Variants in CARM1 observed in about 807,000 individuals in gnomAD.
CARM1 encodes the protein coactivator associated arginine methyltransferase 1.
CARM1 carries 14 observed loss-of-function variants against 72.7 expected under a neutral mutation model. The ratio of observed to expected loss-of-function variants is 0.19; its 90% CI spans 0.13 to 0.30. The LOEUF (loss-of-function observed/expected upper bound fraction) is 0.30, where lower values mean the gene tolerates loss of function less well. Ranked by LOEUF, CARM1 falls within the 10% of genes least tolerant of loss-of-function variation. The probability of loss-of-function intolerance (pLI) is 1.00; values close to 1 mark genes in which losing one functional copy is unlikely to be tolerated. For missense variants in CARM1, 432 were observed against 833.7 expected (o/e 0.52, Z 5.93); for synonymous variants, 333 against 345.5 (o/e 0.96, Z 0.40).
intron 3 of CARM1, among the ~76,000 whole-genome samples, 197 bp downstream of exon 3, chr19:10,908,342 G>A (rs2145226526): frequency 6.6e-6 from 1 of 152,294 alleles, no homozygotes; most frequent in South Asian, 2.1e-4. Context: ...CGGAGATGCA[G>A]GTGCCTGCCT....
At chr19:10,893,007 T>G (rs1045486830) in intron 1 of CARM1, among the ~76,000 whole-genome samples, 1 of 152,050 alleles carries the variant, frequency 6.6e-6, no homozygotes, top group African/African-American at 2.4e-5. Flanking sequence ...AGTGGTGGGA[T>G]TACAGGCGTG....
At chr19:10,873,789 G>A (rs1192621559) in intron 1 of CARM1, among the ~76,000 whole-genome samples, 2 of 151,592 alleles carry the variant, frequency 1.3e-5, no homozygotes, top group African/African-American at 4.8e-5. Flanking sequence ...ACAGGCGCCT[G>A]CCGCCATGCC....
chr19:10,908,870 GCATCAGCTGTTGC>G (rs1274674087), intron 3 of CARM1: 1 of 425,134 alleles, frequency 2.4e-6, no homozygotes, highest in Non-Finnish European at 4.3e-6. Context: ...GGTCCAGGCG[GCATCAGCTGTTGC>G]CATCGGCTGC....
chr19:10,880,796 C>T (rs1394521430), intron 1 of CARM1, among the ~76,000 whole-genome samples: 1 of 152,198 alleles, frequency 6.6e-6, no homozygotes, highest in East Asian at 1.9e-4. Flanking sequence ...CTGAGCTTCA[C>T]TTTCCCTCCC....
At position 10,920,903 on chromosome 19, in the gene CARM1, C is replaced by T; in HGVS notation, c.1494C>T (p.Asn498=). Residue 498 remains asparagine, a synonymous_variant, in exon 13 of 16, where the codon AAC becomes AAT. Transcript: ENST00000327064. This position sits in a 1 kb window ranked among gnomAD's most constrained non-coding sequence, Gnocchi z 5.3. ...CATCTCCCTCGGAAAACATGTGGAA[C>T]ACGGGCAGCACCTACAACCTCAGCA... ...HYTSPSENMW[N]TGSTYNLSSG... is the part of the protein sequence containing the mutation. The T allele has an allele frequency of 1.2e-6, 2 of 1,614,250 alleles. No individual in the cohort carries two copies. The highest frequency in any genetic ancestry group is 1.7e-6 in the Non-Finnish European group (2 of 1,180,030).
At position 10,915,747 on chromosome 19, in the gene CARM1, G is replaced by A. The variant is rs1161130013; in HGVS notation, c.848-660G>A. 1.3e-5 allele frequency among the ~76,000 whole-genome samples: 2 copies of A among 152,098 alleles called. No homozygotes were observed. The highest frequency in any genetic ancestry group is 6.5e-5 in the Admixed American group (1 of 15,280). ...GGAGGCCAGGTGCTCCTTGGGGCAG[G>A]CGGGGCTGCGGGGCCCTGATCCTCC... On this transcript the variant is annotated intron_variant, in intron 6 of 15. Transcript: ENST00000327064. This position sits in a 1 kb window ranked among gnomAD's most constrained non-coding sequence, Gnocchi z 4.6.
At chr19:10,904,877 C>T (rs925377343) in intron 1 of CARM1, 74 bp from the exon 2 acceptor site, 23 of 1,571,346 alleles carry the variant, frequency 1.5e-5, no homozygotes, top group South Asian at 3.4e-5. Flanking sequence ...AGCAGGAGGG[C>T]GACAGGGACC....
chr19:10,876,432 G>T (rs540994639), intron 1 of CARM1, among the ~76,000 whole-genome samples: 6 of 152,220 alleles, frequency 3.9e-5, no homozygotes, highest in African/African-American at 1.2e-4. Context: ...CTGCCCCGCT[G>T]TCTTGGCTCA....
chr19:10,892,186 A>C (rs1549926), intron 1 of CARM1, among the ~76,000 whole-genome samples: 44,570 of 152,142 alleles, frequency 0.29, 6,709 homozygotes, highest in East Asian at 0.53. Flanking sequence ...ATGGATATTT[A>C]GGTTTTCTGC....
At chr19:10,879,212 G>C (rs2073884166) in intron 1 of CARM1, among the ~76,000 whole-genome samples, 1 of 152,224 alleles carries the variant, frequency 6.6e-6, no homozygotes. Context: ...AGGGACAAAG[G>C]AGAAAGGGTG....
At chr19:10,883,498 G>A (rs949838185) in intron 1 of CARM1, among the ~76,000 whole-genome samples, 1 of 152,194 alleles carries the variant, frequency 6.6e-6, no homozygotes, top group Non-Finnish European at 1.5e-5. Context: ...CGCGCAGGGC[G>A]GACCCTCAGC....
At position 10,886,351 on chromosome 19, in the gene CARM1, G is replaced by A. The variant is rs1370623082; in HGVS notation, c.220+14429G>A. Among the ~76,000 whole-genome samples the A allele has an allele frequency of 3.3e-5, 5 of 151,874 alleles. No individual in the cohort carries two copies. In the East Asian group the frequency reaches 9.7e-4, roughly 29 times the overall value. ...TGGGATTACAGGCGTGAGCCACCGT[G>A]CCCGGCCTAATTTTTGTATTTCTTG... is the stretch of plus-strand genomic sequence containing the variant. On this transcript the variant is annotated intron_variant, in intron 1 of 15. Coordinates refer to ENST00000327064, the MANE Select transcript of CARM1 (RefSeq NM_199141.2).
At chr19:10,905,611 G>A (rs1013369432) in intron 2 of CARM1, among the ~76,000 whole-genome samples, 9 of 152,150 alleles carry the variant, frequency 5.9e-5, no homozygotes, top group African/African-American at 1.9e-4. Context: ...AGGTCCCACC[G>A]CAGGCTTGGT....
intron 1 of CARM1, among the ~76,000 whole-genome samples, chr19:10,900,958 C>T (rs1391882238): frequency 6.6e-6 from 1 of 151,694 alleles, no homozygotes; most frequent in Non-Finnish European, 1.5e-5. Flanking sequence ...GCTGGGATTA[C>T]AGGTGTGAGC....
intron 1 of CARM1, among the ~76,000 whole-genome samples, chr19:10,897,202 C>T (rs1469137820): frequency 1.3e-5 from 2 of 152,164 alleles, no homozygotes; most frequent in African/African-American, 2.4e-5. Context: ...TGCTGTGTGA[C>T]CTTGAGCAAG....
Position 10,921,820 on chromosome 19 carries a change from C to T in CARM1, c.*63C>T, listed in dbSNP as rs2074257442. 4 of 1,497,368 alleles carry T rather than the reference C, an allele frequency of 2.7e-6. No homozygotes were observed. The highest frequency in any genetic ancestry group is 1.8e-4 in the Middle Eastern group (1 of 5,620). 92.8% of individuals were successfully genotyped at this position (1,497,368 alleles called of 1,614,324 possible). ...ATGATGTCCCTGCCCGCCGCCCCCGCCGGGCGGCTTTCCCCCTTGTACTGG... is the reference window on the plus strand; with the variant it reads ...ATGATGTCCCTGCCCGCCGCCCCCGTCGGGCGGCTTTCCCCCTTGTACTGG... On this transcript the variant is annotated 3_prime_UTR_variant, in exon 16 of 16. Coordinates refer to ENST00000327064, the MANE Select transcript of CARM1 (RefSeq NM_199141.2).
At chr19:10,879,657 G>A (rs2073887542) in intron 1 of CARM1, among the ~76,000 whole-genome samples, 1 of 152,122 alleles carries the variant, frequency 6.6e-6, no homozygotes, top group South Asian at 2.1e-4. Context: ...CTGTCACCCA[G>A]GCTGGAGCAC....
At position 10,871,949 on chromosome 19, in the gene CARM1, C is replaced by T; in HGVS notation, c.220+27C>T. On this transcript the variant is annotated intron_variant, in intron 1 of 15. Coordinates refer to ENST00000327064, the MANE Select transcript of CARM1 (RefSeq NM_199141.2). This position sits in a 1 kb window ranked among gnomAD's most constrained non-coding sequence, Gnocchi z 5.6. ...TGAGTACGGGGCCCCGGGGCAGGCGCAGGGCCGGGGCTGCTCACGAGGCCG... is the reference window on the plus strand; with the variant it reads ...TGAGTACGGGGCCCCGGGGCAGGCGTAGGGCCGGGGCTGCTCACGAGGCCG... The T allele has an allele frequency of 1.7e-6, 2 of 1,177,376 alleles. No homozygotes were observed. Among genetic ancestry groups the T allele is most frequent in the South Asian group, 8.1e-5 (2 of 24,560 alleles). The allele number at this position is 1,177,376 out of a possible 1,614,324, so 72.9% of individuals were successfully genotyped here.
chr19:10,912,032 G>C lies in CARM1; in HGVS notation c.559-152G>C. On this transcript the variant is annotated intron_variant, in intron 4 of 15. Coordinates refer to ENST00000327064, the MANE Select transcript of CARM1 (RefSeq NM_199141.2). This position sits in a 1 kb window ranked among gnomAD's most constrained non-coding sequence, Gnocchi z 4.5. ...AGGACTGGCCCATGGCTCATCTTGA[G>C]TTCTCGCTTCATTTTGACCAAGAGC... 1 of 717,142 alleles carries C rather than the reference G, an allele frequency of 1.4e-6. No homozygotes were observed. Among genetic ancestry groups the C allele is most frequent in the Non-Finnish European group, 2.5e-6 (1 of 393,388 alleles). The allele number at this position is 717,142 out of a possible 1,614,324, so 44.4% of individuals were successfully genotyped here.
Sources: allele counts gnomAD v4.1 joint callset (sites outside exome capture counted in the v4.1 genomes callset), GRCh38; gene constraint gnomAD v4.1.1; non-coding constraint Gnocchi (gnomAD v3.1); transcripts MANE v1.5; gene names NCBI Gene and HGNC (gene_info 2026-07-23, HGNC 2026-07-21).